AGO3: variants seen among roughly 807,000 people sequenced by gnomAD.
The protein encoded by AGO3 is argonaute RISC catalytic component 3.
In AGO3, 16 loss-of-function variants were observed where a neutral mutation model predicts 105.5. The ratio of observed to expected loss-of-function variants is 0.15; its 90% CI spans 0.10 to 0.23. The LOEUF (loss-of-function observed/expected upper bound fraction) is 0.23. Ranked by LOEUF, AGO3 falls within the 10% of genes least tolerant of loss-of-function variation. AGO3 has a pLI of 1.00. For synonymous variants in AGO3, 340 were observed against 367.3 expected, an observed-to-expected ratio of 0.93 and a Z score of 0.85; for missense variants, 534 against 1,088.0, an observed-to-expected ratio of 0.49 and a Z score of 7.16.
At chr1:35,983,415 AAAAAAAAAAAAAAAG>A (rs1210735496) in intron 5 of AGO3, 1 of 150,804 alleles carries the variant, frequency 6.6e-6, no homozygotes, top group Non-Finnish European at 1.5e-5. Context: ...CTACCAAAAA[AAAAAAAAAAAAAAAG>A]AAAAAGAAAA....
At chr1:35,955,882 A>G (rs1277968042) in intron 2 of AGO3, among the ~76,000 whole-genome samples, 1 of 152,154 alleles carries the variant, frequency 6.6e-6, no homozygotes, top group African/African-American at 2.4e-5. Flanking sequence ...GGCGTGAGCC[A>G]CTGTGTCAGA....
At chr1:36,052,626 T>C (rs1275631764) in intron 17 of AGO3, among the ~76,000 whole-genome samples, 2 of 152,216 alleles carry the variant, frequency 1.3e-5, no homozygotes, top group African/African-American at 4.8e-5. Context: ...TATATATGTG[T>C]ATCAAAATAT....
chr1:36,011,011 A>G (rs936291132), intron 9 of AGO3, among the ~76,000 whole-genome samples: 1 of 152,136 alleles, frequency 6.6e-6, no homozygotes, highest in African/African-American at 2.4e-5. Flanking sequence ...TTAACCACGT[A>G]AGGTCTCTGT....
At chr1:35,969,931 G>T (rs549115314) in intron 3 of AGO3, among the ~76,000 whole-genome samples, 2 of 152,256 alleles carry the variant, frequency 1.3e-5, no homozygotes, top group Admixed American at 1.3e-4. Flanking sequence ...TAAATGGTAC[G>T]CCTGTATAAG....
intron 16 of AGO3, among the ~76,000 whole-genome samples, chr1:36,043,074 G>A (rs1233312280): frequency 6.6e-6 from 1 of 152,086 alleles, no homozygotes. Flanking sequence ...TTTTCTCCAA[G>A]GTAAATGCTG....
intron 1 of AGO3, among the ~76,000 whole-genome samples, chr1:35,935,238 C>T (rs908455319): frequency 2.6e-5 from 4 of 152,064 alleles, no homozygotes; most frequent in Non-Finnish European, 5.9e-5. Context: ...AAAATTGAGA[C>T]ATAAAATAAA....
In AGO3 at chr1:36,003,719, T is replaced by A. The variant is rs1327130746; in HGVS notation, c.659-622T>A. 2.7e-3 allele frequency among the ~76,000 whole-genome samples: 349 copies of A among 129,476 alleles called. 1 individual carries two copies. The highest frequency in any genetic ancestry group is 8.2e-3 in the Middle Eastern group (2 of 244). 84.9% of individuals were successfully genotyped at this position (129,476 alleles called of 152,430 possible). A position where few individuals can be genotyped will look rare whatever the true frequency, so the allele number is the denominator to read the frequency against. ...CAAAAAAAAAAAAAAAATATATATA[T>A]ATATATATATATATATATATGTATA... On this transcript the variant is annotated intron_variant, in intron 5 of 18. Coordinates refer to ENST00000373191, the MANE Select transcript of AGO3 (RefSeq NM_024852.4).
intron 17 of AGO3, among the ~76,000 whole-genome samples, chr1:36,045,362 C>T (rs1009326750): frequency 1.3e-5 from 2 of 150,976 alleles, no homozygotes; most frequent in African/African-American, 4.9e-5. Context: ...GCTGGGACTA[C>T]AGGCACCCAC....
Position 35,966,523 on chromosome 1 carries a change from TTAG to T in AGO3, c.192-431_192-429del, listed in dbSNP as rs552534083. ...TTTGCTGCTCTCAGGAGGCTCACAGTTAGAAGAATTGAAAATATATAATCATTA... is the reference window on the plus strand; with the variant it reads ...TTTGCTGCTCTCAGGAGGCTCACAGTAAGAATTGAAAATATATAATCATTA... On this transcript the variant is annotated intron_variant, in intron 2 of 18. Transcript: ENST00000373191. Among the ~76,000 whole-genome samples, 34 of 152,276 alleles carry T rather than the reference TTAG, an allele frequency of 2.2e-4. No homozygotes were observed. The East Asian group carries it at 5.4e-3, about 24-fold the overall frequency.
At chr1:36,040,818 A>G (rs1187577310) in intron 16 of AGO3, among the ~76,000 whole-genome samples, 1 of 152,136 alleles carries the variant, frequency 6.6e-6, no homozygotes, top group Non-Finnish European at 1.5e-5. Flanking sequence ...CACACCTGTA[A>G]TTCCAGCACC....
In AGO3 at chr1:36,072,342, ACTC is replaced by A. The variant is rs1174348605; in HGVS notation, c.*16598_*16600del. The A allele has an allele frequency of 7.9e-5, 12 of 151,024 alleles. No individual in the cohort carries two copies. The highest frequency in any genetic ancestry group is 2.9e-4 in the African/African-American group (12 of 41,050). 9.4% of individuals were successfully genotyped at this position (151,024 alleles called of 1,614,324 possible). On this transcript the variant is annotated 3_prime_UTR_variant, in exon 19 of 19. Coordinates refer to ENST00000373191, the MANE Select transcript of AGO3 (RefSeq NM_024852.4). ...CGAAATGTTCTGTGACAGAACCACT[ACTC>A]TTTTTTCTGCCATTCTGCCTACTGG...
At chr1:36,053,836 A>G (rs1325728079) in intron 17 of AGO3, among the ~76,000 whole-genome samples, 1 of 144,436 alleles carries the variant, frequency 6.9e-6, no homozygotes. Flanking sequence ...GCAACCTCCA[A>G]CTCCCTGGTT....
At chr1:36,010,090 C>T (rs552064534) in intron 9 of AGO3, among the ~76,000 whole-genome samples, 14 of 151,978 alleles carry the variant, frequency 9.2e-5, no homozygotes, top group African/African-American at 3.4e-4. Context: ...AGGCGCATGC[C>T]ACCACGCCTG....
upstream of AGO3, chr1:35,931,063 C>T (rs1646033302): frequency 1.5e-5 from 6 of 387,106 alleles, no homozygotes; most frequent in South Asian, 7.7e-4. Flanking sequence ...GCAAGCCAGG[C>T]AGCGGAACTG....
intron 2 of AGO3, among the ~76,000 whole-genome samples, chr1:35,960,885 A>G (rs561412248): frequency 2.0e-5 from 3 of 151,986 alleles, no homozygotes; most frequent in Non-Finnish European, 2.9e-5. Flanking sequence ...AGTAATATCT[A>G]ATGCCATGAT....
At chr1:35,971,205 G>A (rs372838451) in intron 3 of AGO3, among the ~76,000 whole-genome samples, 2 of 139,710 alleles carry the variant, frequency 1.4e-5, no homozygotes, top group Non-Finnish European at 3.0e-5. Flanking sequence ...TGTTGCCCAC[G>A]CTGGAGCACA....
Position 35,987,449 on chromosome 1 carries a change from C to T in AGO3, c.658+13938C>T, listed in dbSNP as rs150459265. 4.0e-3 allele frequency among the ~76,000 whole-genome samples: 590 copies of T among 148,206 alleles called. 1 individual carries two copies. The highest frequency in any genetic ancestry group is 6.7e-3 in the Non-Finnish European group (449 of 66,832). On this transcript the variant is annotated intron_variant, in intron 5 of 18. Coordinates refer to ENST00000373191, the MANE Select transcript of AGO3 (RefSeq NM_024852.4). The stretch of plus-strand genomic sequence containing the variant: ...CGGAGGTTGCAGTGAGCCGAGATCA[C>T]GCCACTGCACTCCAGCCTGGGCAAC...
intron 2 of AGO3, among the ~76,000 whole-genome samples, chr1:35,959,315 T>G (rs1268433309): frequency 6.6e-6 from 1 of 152,202 alleles, no homozygotes. Context: ...CTTTAGAAGA[T>G]CTAATGTATT....
chr1:35,973,949 C>G (rs1646912426), intron 5 of AGO3, among the ~76,000 whole-genome samples: 1 of 152,142 alleles, frequency 6.6e-6, no homozygotes, highest in Non-Finnish European at 1.5e-5. Flanking sequence ...TATTTTCAAG[C>G]TTATGTAAAA....
Sources: allele counts gnomAD v4.1 joint callset (sites outside exome capture counted in the v4.1 genomes callset), GRCh38; gene constraint gnomAD v4.1.1; transcripts MANE v1.5; gene names NCBI Gene and HGNC (gene_info 2026-07-23, HGNC 2026-07-21).